The following CUX1 variants were observed in gnomAD, a reference collection of about 807,000 sequenced individuals.
The protein encoded by CUX1 is protein CASP.
A neutral mutation model predicts 158.8 loss-of-function variants in CUX1; 31 were observed. That is an observed-to-expected ratio of 0.20 (90% confidence interval 0.15 to 0.26). The LOEUF (loss-of-function observed/expected upper bound fraction) is 0.26. Ranked by LOEUF, CUX1 falls within the 10% of genes least tolerant of loss-of-function variation. The probability of loss-of-function intolerance (pLI) is 1.00; values close to 1 mark genes in which losing one functional copy is unlikely to be tolerated. For missense variants in CUX1, 1,589 were observed against 2,014.6 expected (o/e 0.79, Z 4.04); for synonymous variants, 879 against 862.1 (o/e 1.02, Z -0.34).
At chr7:101,856,182 C>CAAA (rs768518044) in intron 1 of CUX1, among the ~76,000 whole-genome samples, 32 of 47,988 alleles carry the variant, frequency 6.7e-4, no homozygotes, top group African/African-American at 1.6e-3. Context: ...GACCCTGTCT[C>CAAA]AAAAAAAAAA....
chr7:102,103,432 T>TCTCTCTCA (rs1554487240), intron 5 of CUX1, among the ~76,000 whole-genome samples: 15 of 148,460 alleles, frequency 1.0e-4, no homozygotes, highest in African/African-American at 3.5e-4. Flanking sequence ...TCTCTCTCTC[T>TCTCTCTCA]CTCACTCACT....
intron 3 of CUX1, among the ~76,000 whole-genome samples, chr7:102,033,275 C>T (rs1436902528): frequency 5.3e-5 from 8 of 151,998 alleles, no homozygotes; most frequent in African/African-American, 1.5e-4. Flanking sequence ...CCTAGCAAGA[C>T]TCCATCTCAA....
At chr7:102,072,686 A>G (rs1406775486) in intron 4 of CUX1, among the ~76,000 whole-genome samples, 1 of 152,158 alleles carries the variant, frequency 6.6e-6, no homozygotes, top group Non-Finnish European at 1.5e-5. Flanking sequence ...ATTTAGTTCT[A>G]GGAAGTCAGG....
chr7:102,130,227 T>C (rs1833066338), intron 8 of CUX1, among the ~76,000 whole-genome samples: 1 of 152,072 alleles, frequency 6.6e-6, no homozygotes. Flanking sequence ...ATGGCATCAC[T>C]CCCGCACAGC....
chr7:101,851,763 G>A (rs1183260986), intron 1 of CUX1, among the ~76,000 whole-genome samples: 2 of 151,590 alleles, frequency 1.3e-5, no homozygotes, highest in African/African-American at 2.4e-5. Context: ...AGTTGCGTTA[G>A]TCAGATGTTG....
intron 2 of CUX1, among the ~76,000 whole-genome samples, chr7:101,966,644 A>G (rs963409158): frequency 6.6e-6 from 1 of 152,140 alleles, no homozygotes; most frequent in African/African-American, 2.4e-5. Flanking sequence ...TCCCATGGTC[A>G]TGTGGAGGGA....
At chr7:102,280,720 G>A (rs1053630636) in intron 19 of CUX1, 26 of 1,424,034 alleles carry the variant, frequency 1.8e-5, no homozygotes, top group Non-Finnish European at 2.4e-5. Context: ...GGTGTCCTGT[G>A]GCTGGCCAGG....
At chr7:101,941,672 A>G (rs1007134372) in intron 2 of CUX1, among the ~76,000 whole-genome samples, 16 of 152,196 alleles carry the variant, frequency 1.1e-4, no homozygotes, top group African/African-American at 3.9e-4. Context: ...ACGTCGGGGC[A>G]TTCCTGAACT....
At chr7:102,092,056 C>T (rs1828637293) in intron 4 of CUX1, among the ~76,000 whole-genome samples, 1 of 152,250 alleles carries the variant, frequency 6.6e-6, no homozygotes, top group Non-Finnish European at 1.5e-5. Context: ...CCGTCCATCT[C>T]TGGCCACTTC....
chr7:102,043,923 G>A (rs1241914611), intron 3 of CUX1, among the ~76,000 whole-genome samples: 1 of 152,080 alleles, frequency 6.6e-6, no homozygotes, highest in African/African-American at 2.4e-5. Flanking sequence ...GTGGTTTTGA[G>A]TCAAATTTTC....
chr7:102,028,193 A>C, intron 3 of CUX1, 48 bp downstream of exon 3: 1 of 1,595,270 alleles, frequency 6.3e-7, no homozygotes, highest in Non-Finnish European at 8.6e-7. Context: ...TTCGTGGCTA[A>C]TTGGTCTTTT....
At chr7:101,859,619 G>GT (rs1797225677) in intron 1 of CUX1, among the ~76,000 whole-genome samples, 2 of 152,102 alleles carry the variant, frequency 1.3e-5, no homozygotes, top group Admixed American at 1.3e-4. Context: ...TGGAAATACC[G>GT]TTTTTTGCCA....
chr7:102,185,677 G>T (rs1246402992), intron 11 of CUX1, among the ~76,000 whole-genome samples: 2 of 151,058 alleles, frequency 1.3e-5, no homozygotes, highest in South Asian at 4.2e-4. Flanking sequence ...ATGCTCAAGC[G>T]AGCTACCACA....
At chr7:102,140,138 T>C (rs1404115682) in intron 8 of CUX1, among the ~76,000 whole-genome samples, 2 of 152,234 alleles carry the variant, frequency 1.3e-5, no homozygotes, top group Non-Finnish European at 2.9e-5. Flanking sequence ...CATAGCTCAG[T>C]GGGGAAGATG....
chr7:102,280,007 C>G, intron 18 of CUX1: 1 of 1,495,832 alleles, frequency 6.7e-7, no homozygotes, highest in Non-Finnish European at 9.2e-7. Context: ...AAGGCACTGA[C>G]TGGTTCTCTT....
Position 102,178,497 on chromosome 7 carries a change from C to G in CUX1, c.857C>G (p.Ser286Cys). 2 of 1,611,004 alleles carry G rather than the reference C, an allele frequency of 1.2e-6. No individual in the cohort carries two copies. The highest frequency in any genetic ancestry group is 1.7e-6 in the Non-Finnish European group (2 of 1,177,544). Residue 286 changes from serine to cysteine, a missense_variant, in exon 11 of 24, where the codon TCC (serine) becomes TGC (cysteine). Transcript: ENST00000292535. ...VEQAIEVLTRSSLEVELAAKE... is the reference protein window; with the variant it reads ...VEQAIEVLTRCSLEVELAAKE... ...CAGGCCATAGAGGTGCTGACCCGCT[C>G]CAGCCTAGAAGTTGAGTTGGCCGCC... is the stretch of plus-strand genomic sequence containing the variant.
intron 6 of CUX1, among the ~76,000 whole-genome samples, chr7:102,106,621 C>T (rs201489): frequency 0.62 from 94,596 of 152,026 alleles, 31,161 homozygotes; most frequent in African/African-American, 0.8. Flanking sequence ...CTACCCATTC[C>T]CTAGAAATTT....
At chr7:101,872,459 A>C (rs1199249934) in intron 1 of CUX1, among the ~76,000 whole-genome samples, 1 of 152,016 alleles carries the variant, frequency 6.6e-6, no homozygotes, top group Admixed American at 6.6e-5. Flanking sequence ...TTGGGGGGAA[A>C]GAATCTGTAA....
intron 4 of CUX1, among the ~76,000 whole-genome samples, chr7:102,078,427 C>T (rs993681547): frequency 2.0e-5 from 3 of 152,158 alleles, no homozygotes; most frequent in Admixed American, 6.5e-5. Flanking sequence ...AGACTAGGCA[C>T]TCCAGAACTT....
Sources: allele counts gnomAD v4.1 joint callset (sites outside exome capture counted in the v4.1 genomes callset), GRCh38; gene constraint gnomAD v4.1.1; transcripts MANE v1.5; gene names NCBI Gene and HGNC (gene_info 2026-07-23, HGNC 2026-07-21).